Variants in BBOF1 observed in about 807,000 individuals in gnomAD.
BBOF1 encodes basal body orientation factor 1.
BBOF1 carries 62 observed loss-of-function variants against 68.0 expected under a neutral mutation model. The ratio of observed to expected loss-of-function variants is 0.91; its 90% CI spans 0.74 to 1.13. The LOEUF is 1.13. Among genes scored for constraint, BBOF1 ranks in the 50% most tolerant of loss-of-function variants. The probability of loss-of-function intolerance (pLI) is 0.00; values close to 1 mark genes in which losing one functional copy is unlikely to be tolerated. For synonymous variants in BBOF1, 208 were observed against 198.8 expected, an observed-to-expected ratio of 1.05 and a Z score of -0.39; for missense variants, 534 against 600.1, an observed-to-expected ratio of 0.89 and a Z score of 1.15.
At chr14:74,036,976 T>TC (rs1296838935) in intron 4 of BBOF1, among the ~76,000 whole-genome samples, 3 of 142,478 alleles carry the variant, frequency 2.1e-5, no homozygotes, top group African/African-American at 8.2e-5. Context: ...CTTTTTTCTT[T>TC]TTTTTTTTTT....
At chr14:74,069,104 T>TTTC, downstream of BBOF1, 5 of 738,584 alleles carry the variant, frequency 6.8e-6, no homozygotes, top group East Asian at 7.3e-5. Context: ...ACTTTTTCTT[T>TTTC]TTTTTTTTTT....
chr14:74,061,381 A>G (rs2060338368), intron 11 of BBOF1, among the ~76,000 whole-genome samples: 1 of 151,984 alleles, frequency 6.6e-6, no homozygotes, highest in South Asian at 2.1e-4. Context: ...GGCTCACTGC[A>G]ACCTCTGCCT....
rs920939096 is a variant in BBOF1, at chr14:74,019,390, G to T, written c.-89G>T. 2.9e-5 allele frequency: 43 copies of T among 1,491,820 alleles called. No homozygotes were observed. The highest frequency in any genetic ancestry group is 2.3e-5 in the Non-Finnish European group (26 of 1,115,626). 92.4% of individuals were successfully genotyped at this position (1,491,820 alleles called of 1,614,324 possible). Reference sequence around the variant, plus strand: ...CAGCGGCGCGGGTGGGGCATTGCCAGCTCGGCGTCCCGGTTCCCTTGGAGA... The same window carrying T: ...CAGCGGCGCGGGTGGGGCATTGCCATCTCGGCGTCCCGGTTCCCTTGGAGA... On this transcript the variant is annotated 5_prime_UTR_variant, in exon 1 of 12. Coordinates refer to ENST00000394009, the MANE Select transcript of BBOF1 (RefSeq NM_025057.3).
At chr14:74,044,324 T>C (rs2059900234) in intron 5 of BBOF1, among the ~76,000 whole-genome samples, 1 of 152,098 alleles carries the variant, frequency 6.6e-6, no homozygotes, top group Admixed American at 6.6e-5. Context: ...TATTACCCCA[T>C]TTATTTCACT....
intron 4 of BBOF1, among the ~76,000 whole-genome samples, chr14:74,038,103 A>G (rs1416851884): frequency 2.0e-5 from 3 of 152,014 alleles, no homozygotes; most frequent in African/African-American, 7.2e-5. Context: ...CATTTATCTT[A>G]TCTCCCCTAA....
At chr14:74,067,199 C>T (rs2060480553), downstream of BBOF1, among the ~76,000 whole-genome samples, 1 of 152,072 alleles carries the variant, frequency 6.6e-6, no homozygotes, top group East Asian at 1.9e-4. Context: ...GGGTAACAGA[C>T]AGCCTGTGCT....
At position 74,076,851 on chromosome 14, in the gene BBOF1, A is replaced by G. The variant is rs1057473320; in HGVS notation, n.1380-1345A>G. 6.6e-5 allele frequency among the ~76,000 whole-genome samples: 10 copies of G among 152,162 alleles called. No homozygotes were observed. In the East Asian group the frequency reaches 1.9e-3, roughly 29 times the overall value. On this transcript the variant is annotated intron_variant and non_coding_transcript_variant, in intron 9 of 12. Transcript: ENST00000492026. ...AGGTGTAAGCCACTGCACCCAGCCT[A>G]TATATATGTTATCAAAGTTGATTTA...
In BBOF1 at chr14:74,072,552, G is replaced by A. The variant is rs566439215; in HGVS notation, n.1380-5644G>A. 44 of 1,613,972 alleles carry A rather than the reference G, an allele frequency of 2.7e-5. No homozygotes were observed. Among genetic ancestry groups the A allele is most frequent in the South Asian group, 2.1e-4 (19 of 91,060 alleles). Reference sequence around the variant, plus strand: ...CTTCGCTTACTGGGTTGTGGATATCGATCCATTTGTCACTTTTGGATTCAA... The same window carrying A: ...CTTCGCTTACTGGGTTGTGGATATCAATCCATTTGTCACTTTTGGATTCAA... On this transcript the variant is annotated intron_variant and non_coding_transcript_variant, in intron 9 of 12. Transcript: ENST00000492026.
At chr14:74,067,320 A>G, downstream of BBOF1, 1 of 1,594,176 alleles carries the variant, frequency 6.3e-7, no homozygotes, top group Non-Finnish European at 8.6e-7. Context: ...CAGTGACAGA[A>G]CCCAAGAGCT....
At chr14:74,048,566 G>C (rs1325532423) in intron 7 of BBOF1, 1 of 152,258 alleles carries the variant, frequency 6.6e-6, no homozygotes, top group East Asian at 1.9e-4. Context: ...CACAGCCTGG[G>C]GGGCGCTGCT....
At chr14:74,063,639 G>A (rs1261516584) in intron 11 of BBOF1, among the ~76,000 whole-genome samples, 1 of 151,826 alleles carries the variant, frequency 6.6e-6, no homozygotes, top group Non-Finnish European at 1.5e-5. Context: ...GCTGAGGCAG[G>A]CGGATCACCT....
intron 4 of BBOF1, among the ~76,000 whole-genome samples, chr14:74,036,683 C>CAAAAA (rs35152747): frequency 1.8e-5 from 2 of 108,446 alleles, no homozygotes; most frequent in Admixed American, 1.0e-4. Flanking sequence ...GACTCTGTCT[C>CAAAAA]AAAAAAAAAA....
intron 3 of BBOF1, among the ~76,000 whole-genome samples, chr14:74,030,051 T>C (rs1454868857): frequency 6.6e-6 from 1 of 152,152 alleles, no homozygotes; most frequent in Non-Finnish European, 1.5e-5. Flanking sequence ...TTTAAGATTT[T>C]GGGGGGCATT....
intron 8 of BBOF1, among the ~76,000 whole-genome samples, chr14:74,050,466 A>G (rs1170851279): frequency 2.0e-5 from 3 of 152,162 alleles, no homozygotes; most frequent in Non-Finnish European, 2.9e-5. Context: ...TGTTTTTTAT[A>G]TAAGATATAT....
intron 5 of BBOF1, among the ~76,000 whole-genome samples, chr14:74,043,070 C>T (rs999569212): frequency 2.0e-5 from 3 of 152,058 alleles, no homozygotes; most frequent in Non-Finnish European, 2.9e-5. Context: ...GTTTGAGCCC[C>T]GGTGCTGCAG....
At chr14:74,050,306 T>C in intron 8 of BBOF1, 111 bp downstream of exon 8, 2 of 1,253,274 alleles carry the variant, frequency 1.6e-6, no homozygotes, top group Non-Finnish European at 2.2e-6. Context: ...AATAGATTTC[T>C]CAGTAGGTTA....
chr14:74,042,966 AAAG>A (rs1269952906), intron 5 of BBOF1, among the ~76,000 whole-genome samples: 1 of 152,038 alleles, frequency 6.6e-6, no homozygotes, highest in Non-Finnish European at 1.5e-5. Context: ...TAGGGAGGAA[AAAG>A]AAGGATGGGA....
Position 74,064,909 on chromosome 14 carries a change from AT to A in BBOF1, c.*212del. ...TTGGCAAAGGCACTGGAATGGGGAC[AT>A]TCACTCCCACCTAAAACAGAACAAA... On this transcript the variant is annotated 3_prime_UTR_variant, in exon 12 of 12. Coordinates refer to ENST00000394009, the MANE Select transcript of BBOF1 (RefSeq NM_025057.3). The A allele has an allele frequency of 1.2e-6, 2 of 1,613,818 alleles. No individual in the cohort carries two copies. The highest frequency in any genetic ancestry group is 2.2e-5 in the South Asian group (2 of 91,064).
Position 74,050,227 on chromosome 14 carries a change from C to T in BBOF1, c.1286+32C>T, listed in dbSNP as rs777186780. 1.1e-5 allele frequency: 16 copies of T among 1,506,498 alleles called. No homozygotes were observed. In the South Asian group the frequency reaches 2.0e-4, roughly 19 times the overall value. 93.3% of individuals were successfully genotyped at this position (1,506,498 alleles called of 1,614,324 possible). ...GCAATACTTTATTATTATCTTTTTGCTGCTATTTTTGTGTCCTTTACAGAA... is the reference window on the plus strand; with the variant it reads ...GCAATACTTTATTATTATCTTTTTGTTGCTATTTTTGTGTCCTTTACAGAA... On this transcript the variant is annotated intron_variant, in intron 8 of 11. Coordinates refer to ENST00000394009, the MANE Select transcript of BBOF1 (RefSeq NM_025057.3).
Sources: allele counts gnomAD v4.1 joint callset (sites outside exome capture counted in the v4.1 genomes callset), GRCh38; gene constraint gnomAD v4.1.1; transcripts MANE v1.5; gene names NCBI Gene and HGNC (gene_info 2026-07-23, HGNC 2026-07-21).